CPO: variants seen among roughly 807,000 people sequenced by gnomAD.
CPO encodes metallocarboxypeptidase C.
In CPO, 43 loss-of-function variants were observed where a neutral mutation model predicts 41.2. The ratio of observed to expected loss-of-function variants is 1.04; its 90% CI spans 0.82 to 1.35. CPO has a LOEUF of 1.35. Ranked by LOEUF, CPO falls within the 40% of genes most tolerant of loss-of-function variation. The probability of loss-of-function intolerance (pLI) is 0.00; values close to 1 mark genes in which losing one functional copy is unlikely to be tolerated. For synonymous variants in CPO, 178 were observed against 162.7 expected (o/e 1.09, Z -0.72); for missense variants, 408 against 451.7 (o/e 0.90, Z 0.88).
At chr2:206,964,003 T>A (rs1025751263) in intron 7 of CPO, among the ~76,000 whole-genome samples, 10 of 152,216 alleles carry the variant, frequency 6.6e-5, no homozygotes, top group African/African-American at 2.2e-4. Context: ...CTTGTTATTT[T>A]CTGTTTATCT....
intron 3 of CPO, among the ~76,000 whole-genome samples, chr2:206,955,857 A>C (rs1283824394): frequency 6.6e-6 from 1 of 152,154 alleles, no homozygotes; most frequent in Non-Finnish European, 1.5e-5. Flanking sequence ...TCATGCTTCA[A>C]CTAGAGCTAG....
At chr2:206,940,366 A>G (rs374946290) in intron 1 of CPO, among the ~76,000 whole-genome samples, 10 of 152,190 alleles carry the variant, frequency 6.6e-5, no homozygotes, top group South Asian at 2.1e-4. Flanking sequence ...ACATTGCCCA[A>G]TTACCCTCTA....
chr2:206,951,876 A>G (rs908220267), intron 2 of CPO, among the ~76,000 whole-genome samples: 2 of 152,208 alleles, frequency 1.3e-5, no homozygotes, highest in South Asian at 2.1e-4. Flanking sequence ...ACTGGCTGCT[A>G]TTTGTAGCTC....
chr2:206,956,409 T>TCAGCAG (rs201216947), intron 3 of CPO, among the ~76,000 whole-genome samples: 2 of 130,726 alleles, frequency 1.5e-5, no homozygotes, highest in African/African-American at 2.8e-5. Flanking sequence ...TAAATCATCA[T>TCAGCAG]CATCATCAGC....
chr2:206,968,796 C>A (rs993780772), intron 8 of CPO, among the ~76,000 whole-genome samples: 4 of 152,196 alleles, frequency 2.6e-5, no homozygotes, highest in Admixed American at 2.0e-4. Flanking sequence ...TATGAGCCCC[C>A]CTCTAAATAC....
chr2:206,943,206 C>A (rs1167423319), intron 1 of CPO, among the ~76,000 whole-genome samples: 1 of 152,026 alleles, frequency 6.6e-6, no homozygotes, highest in African/African-American at 2.4e-5. Flanking sequence ...AAGGAAAAAC[C>A]CAAACATTTG....
At chr2:206,961,565 A>C (rs1408603032) in intron 6 of CPO, among the ~76,000 whole-genome samples, 1 of 152,166 alleles carries the variant, frequency 6.6e-6, no homozygotes, top group Non-Finnish European at 1.5e-5. Context: ...GGGATGCTAC[A>C]TGGGAAGTGT....
At chr2:206,958,441 C>A (rs1235082296) in intron 4 of CPO, 36 bp downstream of exon 4, 3 of 1,156,038 alleles carry the variant, frequency 2.6e-6, no homozygotes, top group Non-Finnish European at 3.8e-6. Context: ...TGGTAAATCA[C>A]CCCCATAAAA....
intron 3 of CPO, among the ~76,000 whole-genome samples, chr2:206,956,002 G>A (rs1486450475): frequency 6.6e-6 from 1 of 152,126 alleles, no homozygotes; most frequent in Non-Finnish European, 1.5e-5. Context: ...TTATGGTTAA[G>A]GGAACAAAGA....
chr2:206,948,358 A>G (rs894746098), intron 1 of CPO, among the ~76,000 whole-genome samples: 14 of 152,374 alleles, frequency 9.2e-5, no homozygotes, highest in African/African-American at 3.1e-4. Context: ...GAGTCCAACT[A>G]TGTTACATTC....
At chr2:206,943,482 C>A (rs1388876636) in intron 1 of CPO, among the ~76,000 whole-genome samples, 1 of 151,826 alleles carries the variant, frequency 6.6e-6, no homozygotes, top group Non-Finnish European at 1.5e-5. Context: ...TCTTTATAGT[C>A]CCAATCAGAG....
At chr2:206,945,270 T>A (rs1286751933) in intron 1 of CPO, among the ~76,000 whole-genome samples, 1 of 105,290 alleles carries the variant, frequency 9.5e-6, no homozygotes, top group Non-Finnish European at 2.4e-5. Flanking sequence ...ATTAGATCTC[T>A]AACACACTTC....
intron 6 of CPO, 42 bp from the exon 7 acceptor site, chr2:206,962,370 T>TGA (rs1491269354): frequency 1.3e-6 from 2 of 1,572,120 alleles, no homozygotes; most frequent in Admixed American, 3.3e-5. Flanking sequence ...ATTTCCAAAC[T>TGA]GAGATCATGC....
At chr2:206,939,793 G>A in intron 1 of CPO, 126 bp downstream of exon 1, 1 of 599,172 alleles carries the variant, frequency 1.7e-6, no homozygotes. Context: ...ACCATGAGAT[G>A]AGAATAATAA....
chr2:206,946,910 C>T (rs1036900652), intron 1 of CPO, among the ~76,000 whole-genome samples: 1 of 152,030 alleles, frequency 6.6e-6, no homozygotes, highest in Non-Finnish European at 1.5e-5. Flanking sequence ...AAAATTTATA[C>T]AAGATCTATA....
chr2:206,949,745 G>A lies in CPO; in HGVS notation c.165+32G>A, dbSNP rs968263269. On this transcript the variant is annotated intron_variant, in intron 2 of 8. Transcript: ENST00000272852. ...AAGGACACATGGCAGGAGGTTGGTGGTTGTCACAACCTACTTTAGGATGGG... is the reference window on the plus strand; with the variant it reads ...AAGGACACATGGCAGGAGGTTGGTGATTGTCACAACCTACTTTAGGATGGG... The A allele has an allele frequency of 1.1e-5, 15 of 1,419,526 alleles. No homozygotes were observed. In the African/African-American group the frequency reaches 2.0e-4, roughly 19 times the overall value. 87.9% of individuals were successfully genotyped at this position (1,419,526 alleles called of 1,614,324 possible). A position where few individuals can be genotyped will look rare whatever the true frequency, so the allele number is the denominator to read the frequency against.
intron 7 of CPO, among the ~76,000 whole-genome samples, chr2:206,966,504 A>G (rs1693579570): frequency 6.6e-6 from 1 of 152,094 alleles, no homozygotes; most frequent in African/African-American, 2.4e-5. Flanking sequence ...GCTACCCTGA[A>G]TCCTGCCCAC....
At chr2:206,946,865 C>A (rs1693154883) in intron 1 of CPO, among the ~76,000 whole-genome samples, 1 of 151,988 alleles carries the variant, frequency 6.6e-6, no homozygotes, top group Non-Finnish European at 1.5e-5. Context: ...TACATTAGCA[C>A]CCCTCAAAAT....
Position 206,960,843 on chromosome 2 carries a change from C to A in CPO, c.484-9C>A. The A allele has an allele frequency of 6.3e-7, 1 of 1,597,782 alleles. No homozygotes were observed. The highest frequency in any genetic ancestry group is 8.6e-7 in the Non-Finnish European group (1 of 1,165,130). ...AGAACAGCAACATCCGTATGTTCCT[C>A]TGCTACAGGATCGTCTTTGGAGGAA... On this transcript the variant is annotated splice_polypyrimidine_tract_variant and intron_variant, in intron 5 of 8. Transcript: ENST00000272852.
Sources: allele counts gnomAD v4.1 joint callset (sites outside exome capture counted in the v4.1 genomes callset), GRCh38; gene constraint gnomAD v4.1.1; transcripts MANE v1.5; gene names NCBI Gene and HGNC (gene_info 2026-07-23, HGNC 2026-07-21).